The following SORCS1 variants were observed in gnomAD, a reference collection of about 807,000 sequenced individuals.
The protein encoded by SORCS1 is VPS10 domain-containing receptor SorCS1.
SORCS1 carries 60 observed loss-of-function variants against 146.1 expected under a neutral mutation model. The observed-to-expected ratio is 0.41, with a 90% confidence interval of 0.33 to 0.51. The LOEUF (loss-of-function observed/expected upper bound fraction) is 0.51. Among genes scored for constraint, SORCS1 ranks in the 20% least tolerant of loss-of-function variants. The pLI is 0.21. For missense variants in SORCS1, 1,352 were observed against 1,487.6 expected (o/e 0.91, Z 1.50); for synonymous variants, 637 against 584.0 (o/e 1.09, Z -1.31).
chr10:106,852,036 A>G (rs1380039379), intron 2 of SORCS1, among the ~76,000 whole-genome samples: 2 of 152,144 alleles, frequency 1.3e-5, no homozygotes, highest in African/African-American at 4.8e-5. Context: ...TATTAACCTT[A>G]TATTGTACAA....
chr10:106,834,506 T>C (rs1948699602), intron 2 of SORCS1, among the ~76,000 whole-genome samples: 1 of 152,066 alleles, frequency 6.6e-6, no homozygotes, highest in African/African-American at 2.4e-5. Flanking sequence ...ATGAGATTAG[T>C]GTTCTGAGCA....
intron 1 of SORCS1, among the ~76,000 whole-genome samples, chr10:107,005,675 T>A (rs1432949784): frequency 1.3e-5 from 2 of 152,212 alleles, no homozygotes; most frequent in Non-Finnish European, 2.9e-5. Flanking sequence ...TTCTGTACCC[T>A]ATGTATTTTC....
intron 2 of SORCS1, among the ~76,000 whole-genome samples, chr10:106,884,373 T>C (rs1950918213): frequency 6.6e-6 from 1 of 152,210 alleles, no homozygotes; most frequent in African/African-American, 2.4e-5. Flanking sequence ...GTCTTTTGTC[T>C]TATATTCTGG....
At chr10:106,870,142 G>T (rs747748591) in intron 2 of SORCS1, among the ~76,000 whole-genome samples, 22 of 152,224 alleles carry the variant, frequency 1.4e-4, no homozygotes, top group Admixed American at 5.2e-4. Flanking sequence ...CCAAGGTGGT[G>T]AAATATTTCT....
intron 24 of SORCS1, among the ~76,000 whole-genome samples, chr10:106,583,823 T>C (rs563833124): frequency 6.6e-6 from 1 of 152,232 alleles, no homozygotes; most frequent in Non-Finnish European, 1.5e-5. Flanking sequence ...TTGCTGCAGT[T>C]TTGCCCTTTG....
intron 1 of SORCS1, among the ~76,000 whole-genome samples, chr10:107,121,394 T>TC (rs1336880622): frequency 6.6e-6 from 1 of 152,124 alleles, no homozygotes; most frequent in African/African-American, 2.4e-5. Flanking sequence ...AGAAGAAGCA[T>TC]CCCCACTGCT....
intron 1 of SORCS1, among the ~76,000 whole-genome samples, chr10:107,148,005 T>G (rs1968477652): frequency 6.6e-6 from 1 of 152,182 alleles, no homozygotes; most frequent in African/African-American, 2.4e-5. Context: ...AGGATTTAAG[T>G]GGACACAGAC....
chr10:107,167,104 T>C (rs1970066872), upstream of SORCS1, among the ~76,000 whole-genome samples: 1 of 152,264 alleles, frequency 6.6e-6, no homozygotes. Context: ...TAATTATTCA[T>C]TTGAGACAGA....
intron 1 of SORCS1, among the ~76,000 whole-genome samples, chr10:107,007,388 T>C (rs1957499299): frequency 6.6e-6 from 1 of 152,188 alleles, no homozygotes; most frequent in African/African-American, 2.4e-5. Context: ...CGAGCTGCCA[T>C]GCTGTGAGGA....
rs374750651 is a variant in SORCS1, at chr10:106,706,903, T to G, written c.1144-269A>C. On this transcript the variant is annotated intron_variant, in intron 7 of 25. Coordinates refer to ENST00000263054, the MANE Select transcript of SORCS1 (RefSeq NM_052918.5). ...AGATGCCAGAAAACATTTTGAGTTA[T>G]TTTTTTCAAATGGGGTACATTGGCT... 2.6e-5 allele frequency among the ~76,000 whole-genome samples: 4 copies of G among 152,186 alleles called. No individual in the cohort carries two copies. In the East Asian group the frequency reaches 5.8e-4, roughly 22 times the overall value.
chr10:106,975,923 G>C (rs1955974728), intron 1 of SORCS1, among the ~76,000 whole-genome samples: 1 of 152,098 alleles, frequency 6.6e-6, no homozygotes, highest in African/African-American at 2.4e-5. Context: ...CGAGGTGGGT[G>C]GATCACCTGA....
At chr10:106,910,332 T>G (rs59486779) in intron 2 of SORCS1, among the ~76,000 whole-genome samples, 73,490 of 150,808 alleles carry the variant, frequency 0.49, 18,947 homozygotes, top group African/African-American at 0.67. Flanking sequence ...TATATATATA[T>G]AGAGAGTGAG....
At position 107,163,493 on chromosome 10, in the gene SORCS1, A is replaced by G. The variant is rs79335899; in HGVS notation, c.558+476T>C. Among the ~76,000 whole-genome samples the G allele has an allele frequency of 2.8e-3, 429 of 152,306 alleles. 2 individuals carry two copies. The highest frequency in any genetic ancestry group is 9.1e-3 in the African/African-American group (379 of 41,574). ...CCCTTGTGGAGAAGAAGGGGTTAGG[A>G]GCTCCGCATGAAATTAAAATAAAAT... On this transcript the variant is annotated intron_variant, in intron 1 of 25. Transcript: ENST00000263054.
chr10:106,983,641 T>C (rs1181180751), intron 1 of SORCS1, among the ~76,000 whole-genome samples: 1 of 152,192 alleles, frequency 6.6e-6, no homozygotes, highest in Non-Finnish European at 1.5e-5. Flanking sequence ...CCATGGTCTC[T>C]GAAACCAGAT....
chr10:106,616,893 C>T (rs1171737052), intron 21 of SORCS1, among the ~76,000 whole-genome samples: 1 of 151,572 alleles, frequency 6.6e-6, no homozygotes. Flanking sequence ...GATAAGGGAA[C>T]TGGGCAATTG....
At chr10:107,132,031 A>C (rs1307257006) in intron 1 of SORCS1, among the ~76,000 whole-genome samples, 1 of 152,228 alleles carries the variant, frequency 6.6e-6, no homozygotes, top group Non-Finnish European at 1.5e-5. Context: ...AGTAAAACCT[A>C]GAAAGTTAAA....
intron 2 of SORCS1, among the ~76,000 whole-genome samples, chr10:106,911,940 G>T (rs569434151): frequency 6.6e-6 from 1 of 151,858 alleles, no homozygotes; most frequent in South Asian, 2.1e-4. Context: ...GAGAAACCCC[G>T]TCTCTACTAA....
chr10:106,709,186 G>A (rs1444201526), intron 7 of SORCS1, 37 bp downstream of exon 7: 1 of 1,504,150 alleles, frequency 6.6e-7, no homozygotes, highest in Non-Finnish European at 9.2e-7. Flanking sequence ...GAAAAGAAAG[G>A]TTTCTGAGAC....
At chr10:106,688,382 G>A in intron 9 of SORCS1, 44 bp from the exon 10 acceptor site, 1 of 1,590,038 alleles carries the variant, frequency 6.3e-7, no homozygotes, top group Non-Finnish European at 8.6e-7. Flanking sequence ...AATTTGAGAA[G>A]GGATATATTT....
Sources: allele counts gnomAD v4.1 joint callset (sites outside exome capture counted in the v4.1 genomes callset), GRCh38; gene constraint gnomAD v4.1.1; transcripts MANE v1.5; gene names NCBI Gene and HGNC (gene_info 2026-07-23, HGNC 2026-07-21).